The following FHIP2B variants were observed in gnomAD, a reference collection of about 807,000 sequenced individuals.
The protein encoded by FHIP2B is FHF complex subunit HOOK interacting protein 2B.
In FHIP2B, 72 loss-of-function variants were observed where a neutral mutation model predicts 84.0. That is an observed-to-expected ratio of 0.86 (90% confidence interval 0.71 to 1.04). The LOEUF is 1.04. Among genes scored for constraint, FHIP2B ranks in the 50% least tolerant of loss-of-function variants. The pLI is 0.00. For synonymous variants in FHIP2B, 497 were observed against 418.7 expected (o/e 1.19, Z -2.28); for missense variants, 972 against 968.9 (o/e 1.00, Z -0.04).
At chr8:22,094,894 T>C (rs1168648885) in intron 2 of FHIP2B, 14 of 1,075,302 alleles carry the variant, frequency 1.3e-5, no homozygotes, top group Non-Finnish European at 1.6e-5. Flanking sequence ...GAAAAGAATT[T>C]AATAAATTCC....
chr8:22,096,078 C>T (rs933887067), intron 2 of FHIP2B: 14 of 389,440 alleles, frequency 3.6e-5, no homozygotes, highest in Non-Finnish European at 6.5e-5. Flanking sequence ...TGAAGGAAAC[C>T]GATGCTGCTG....
chr8:22,102,887 G>T lies in FHIP2B; in HGVS notation c.2188G>T (p.Asp730Tyr), dbSNP rs748762122. 1 of 1,613,704 alleles carries T rather than the reference G, an allele frequency of 6.2e-7. No individual in the cohort carries two copies. The highest frequency in any genetic ancestry group is 1.1e-5 in the South Asian group (1 of 91,082). ...AIAFVKFPPH[D>Y]PRQNVSPAPE... is the part of the protein sequence containing the mutation. ...TGCCTTCGTCAAGTTTCCCCCACAT[G>T]ATCCTCGCCAGAACGTCTCCCCAGC... The change falls in exon 17 of 17, where the codon GAT becomes TAT. Residue 730 changes from aspartate to tyrosine, a missense_variant. Asp to Tyr is a radical substitution (Grantham distance 160). Transcript: ENST00000289921.
chr8:22,101,720 A>G lies in FHIP2B; in HGVS notation c.1720A>G (p.Ser574Gly), dbSNP rs1563602480. The G allele has an allele frequency of 3.1e-6, 5 of 1,611,570 alleles. No homozygotes were observed. The highest frequency in any genetic ancestry group is 4.2e-6 in the Non-Finnish European group (5 of 1,178,832). Reference protein sequence around the residue: ...HDAYGLFQECSSRVASWGWPL... With the variant: ...HDAYGLFQECGSRVASWGWPL... ...CCGCCTGTCTCAGTTCCAGGAGTGCAGCTCCCGCGTCGCCTCCTGGGGCTG... is the reference window on the plus strand; with the variant it reads ...CCGCCTGTCTCAGTTCCAGGAGTGCGGCTCCCGCGTCGCCTCCTGGGGCTG... Residue 574 changes from serine to glycine, a missense_variant, in exon 14 of 17, where the codon AGC becomes GGC. Transcript: ENST00000289921.
At position 22,098,056 on chromosome 8, in the gene FHIP2B, C is replaced by T. The variant is rs1424241696; in HGVS notation, c.526-12C>T. ...CCCCACCAGGTCTGGCCTCATCTCA[C>T]CCTCTTTTCAGGGTAAAAAGATTGT... On this transcript the variant is annotated splice_polypyrimidine_tract_variant and intron_variant, in intron 5 of 16. Coordinates refer to ENST00000289921, the MANE Select transcript of FHIP2B (RefSeq NM_022749.7). 1.9e-6 allele frequency: 3 copies of T among 1,585,358 alleles called. No individual in the cohort carries two copies. The East Asian group carries it at 6.9e-5, about 36-fold the overall frequency.
chr8:22,090,272 C>T (rs1213759505), intron 1 of FHIP2B, among the ~76,000 whole-genome samples: 3 of 152,154 alleles, frequency 2.0e-5, no homozygotes, highest in African/African-American at 4.8e-5. Context: ...CAGATTTTCT[C>T]AGGAGAGAAA....
rs781268519 is a variant in FHIP2B at position 22,097,521 on chromosome 8, C to T, written c.303C>T (p.Pro101=). 7.5e-6 allele frequency: 12 copies of T among 1,603,900 alleles called. No homozygotes were observed. Among genetic ancestry groups the T allele is most frequent in the Admixed American group, 5.1e-5 (3 of 58,990 alleles). ...TLCTLGKAEY[P]PGMRQQVFQF... is the part of the protein sequence containing the mutation. Reference sequence around the variant, plus strand: ...CGCTCTGTCCCTGGCCTCAGTACCCCCCAGGCATGCGGCAGCAGGTGTTCC... The same window carrying T: ...CGCTCTGTCCCTGGCCTCAGTACCCTCCAGGCATGCGGCAGCAGGTGTTCC... The change falls in exon 4 of 17, where the codon CCC becomes CCT. Residue 101 remains proline, a synonymous_variant. Coordinates refer to ENST00000289921, the MANE Select transcript of FHIP2B (RefSeq NM_022749.7).
rs550067292 is a variant in FHIP2B at position 22,100,845 on chromosome 8, G to T, written c.1489G>T (p.Asp497Tyr). ...PEPESYEDTL[D>Y]LEEDPYFTDS... ...CGTACTGCTCTGCCCTGGCCACAGA[G>T]ACCTGGAGGAAGACCCCTACTTCAC... is the stretch of plus-strand genomic sequence containing the variant. Residue 497 changes from aspartate to tyrosine, a missense_variant and splice_region_variant, in exon 12 of 17, where the codon GAC (aspartate) becomes TAC (tyrosine). Transcript: ENST00000289921. The T allele has an allele frequency of 6.2e-7, 1 of 1,613,760 alleles. No individual in the cohort carries two copies. Among genetic ancestry groups the T allele is most frequent in the African/African-American group, 1.3e-5 (1 of 74,906 alleles).
chr8:22,099,009 TTGGGC>T lies in FHIP2B; in HGVS notation c.1031_1035del (p.Gly344ValfsTer2). On this transcript the variant is annotated frameshift_variant, in exon 8 of 17. Coordinates refer to ENST00000289921, the MANE Select transcript of FHIP2B (RefSeq NM_022749.7). LOFTEE classifies it high-confidence loss of function. The stretch of plus-strand genomic sequence containing the variant: ...TGGCAAGGAGGCCTTGGCTGCCTTC[TTGGGC>T]TGGTTTGATTACTGCGACCACCTCA... 1 of 1,608,190 alleles carries T rather than the reference TTGGGC, an allele frequency of 6.2e-7. No homozygotes were observed. Among genetic ancestry groups the T allele is most frequent in the Non-Finnish European group, 8.5e-7 (1 of 1,177,224 alleles).
At position 22,098,179 on chromosome 8, in the gene FHIP2B, C is replaced by T; in HGVS notation, c.637C>T (p.Pro213Ser). ...CTCCCACGATGGTGCTCCTGCCAGG[C>T]CCCAGCTGGACGGGGAGTCCTGTGG... ...DCSHDGAPAR[P>S]QLDGESCGAQ... is the part of the protein sequence containing the mutation. The change falls in exon 6 of 17, where the codon CCC becomes TCC. Residue 213 changes from proline (P) to serine (S), a missense_variant. Coordinates refer to ENST00000289921, the MANE Select transcript of FHIP2B (RefSeq NM_022749.7). 1.3e-6 allele frequency: 2 copies of T among 1,576,042 alleles called. No individual in the cohort carries two copies. The highest frequency in any genetic ancestry group is 1.7e-6 in the Non-Finnish European group (2 of 1,161,448).
At chr8:22,099,974 G>C (rs1826015266) in intron 10 of FHIP2B, 81 bp downstream of exon 10, 2 of 1,412,100 alleles carry the variant, frequency 1.4e-6, no homozygotes, top group Middle Eastern at 1.8e-4. Context: ...CATTTCATTA[G>C]TGTTCCCAGT....
rs778719293 is a variant in FHIP2B at position 22,100,758 on chromosome 8, C to A, written c.1487+19C>A. 2 of 1,606,778 alleles carry A rather than the reference C, an allele frequency of 1.2e-6. No homozygotes were observed. Among genetic ancestry groups the A allele is most frequent in the South Asian group, 2.2e-5 (2 of 90,672 alleles). Reference sequence around the variant, plus strand: ...ACACCCTGTAAGTGAAACCGGCGCCCTTTGGACTCAGCCCAGCCCTTAGCA... The same window carrying A: ...ACACCCTGTAAGTGAAACCGGCGCCATTTGGACTCAGCCCAGCCCTTAGCA... On this transcript the variant is annotated intron_variant, in intron 11 of 16. Transcript: ENST00000289921.
chr8:22,099,753 C>T lies in FHIP2B; in HGVS notation c.1201C>T (p.Arg401Cys), dbSNP rs377050503. The change falls in exon 10 of 17, where the codon CGC becomes TGC. Residue 401 changes from arginine to cysteine, a missense_variant. Coordinates refer to ENST00000289921, the MANE Select transcript of FHIP2B (RefSeq NM_022749.7). ...TSTALLTAML[R>C]QLRSPALLRE... ...CACCGCCCTCCTCACAGCCATGCTG[C>T]GCCAGCTTCGCTCCCCTGCGCTGCT... The T allele has an allele frequency of 2.2e-5, 35 of 1,607,388 alleles. No individual in the cohort carries two copies. In the African/African-American group the frequency reaches 2.7e-4, roughly 12 times the overall value.
At chr8:22,090,481 T>C (rs6557790) in intron 1 of FHIP2B, among the ~76,000 whole-genome samples, 150,592 of 152,250 alleles carry the variant, frequency 0.99, 74,499 homozygotes, top group East Asian at 1. Flanking sequence ...ATGATTTTTC[T>C]TCCCCTTCCC....
chr8:22,098,720 C>A (rs1825936096), intron 7 of FHIP2B, 101 bp downstream of exon 7: 3 of 1,230,784 alleles, frequency 2.4e-6, no homozygotes, highest in Non-Finnish European at 3.3e-6. Context: ...TTGCTAGGGA[C>A]CCCTGCTGGC....
chr8:22,090,919 G>C (rs760423728), intron 1 of FHIP2B, among the ~76,000 whole-genome samples: 13 of 152,134 alleles, frequency 8.5e-5, no homozygotes, highest in Non-Finnish European at 1.6e-4. Flanking sequence ...CACCCGGCTA[G>C]GAGTCAAATT....
chr8:22,092,189 C>T (rs1825526989), intron 1 of FHIP2B, among the ~76,000 whole-genome samples: 1 of 152,228 alleles, frequency 6.6e-6, no homozygotes, highest in Non-Finnish European at 1.5e-5. Flanking sequence ...TCATCCCTCC[C>T]TCCCCATGTT....
chr8:22,099,440 G>A, intron 9 of FHIP2B, 80 bp downstream of exon 9: 3 of 1,428,596 alleles, frequency 2.1e-6, no homozygotes, highest in Non-Finnish European at 2.9e-6. Flanking sequence ...TGTCCCTAAG[G>A]CCAGACACCT....
intron 10 of FHIP2B, 64 bp downstream of exon 10, chr8:22,099,957 C>G: frequency 7.5e-6 from 11 of 1,474,308 alleles, no homozygotes; most frequent in Non-Finnish European, 9.9e-6. Flanking sequence ...TTCCTGAACA[C>G]TCTTCCCATT....
chr8:22,101,933 C>A lies in FHIP2B; in HGVS notation c.1851+82C>A, dbSNP rs1017731016. On this transcript the variant is annotated intron_variant, in intron 14 of 16. Transcript: ENST00000289921. The stretch of plus-strand genomic sequence containing the variant: ...AGAGCAGAGGTTGGCCACAGGGTTG[C>A]CTCTGCTTCGGTTCTTTGGTGCCAC... 8.4e-6 allele frequency: 13 copies of A among 1,544,606 alleles called. No individual in the cohort carries two copies. The East Asian group carries it at 1.2e-4, about 14-fold the overall frequency.
Sources: allele counts gnomAD v4.1 joint callset (sites outside exome capture counted in the v4.1 genomes callset), GRCh38; gene constraint gnomAD v4.1.1; transcripts MANE v1.5; gene names NCBI Gene and HGNC (gene_info 2026-07-23, HGNC 2026-07-21).